RALGPS2: variants seen among roughly 807,000 people sequenced by gnomAD.
RALGPS2 encodes the protein ras-specific guanine nucleotide-releasing factor RalGPS2.
Under a neutral mutation model 86.8 loss-of-function variants are expected in RALGPS2, and 43 were observed. That is an observed-to-expected ratio of 0.50 (90% CI 0.39 to 0.64). The LOEUF (loss-of-function observed/expected upper bound fraction) is 0.64, where lower values mean the gene tolerates loss of function less well. RALGPS2 is among the 30% of genes least tolerant of loss of function. RALGPS2 has a pLI of 0.00. For missense variants in RALGPS2, 536 were observed against 694.6 expected (o/e 0.77, Z 2.57); for synonymous variants, 243 against 231.3 (o/e 1.05, Z -0.46).
At chr1:178,877,395 G>T in intron 8 of RALGPS2, 103 bp from the exon 9 acceptor site, 1 of 1,485,132 alleles carries the variant, frequency 6.7e-7, no homozygotes, top group Non-Finnish European at 9.0e-7. Flanking sequence ...TAAATGTAGC[G>T]TACAGTGGAA....
chr1:178,752,151 T>C (rs934996271), intron 1 of RALGPS2, among the ~76,000 whole-genome samples: 7 of 149,638 alleles, frequency 4.7e-5, no homozygotes, highest in Admixed American at 1.3e-4. Context: ...TTTTTTTTTT[T>C]CTGAGACAGG....
At chr1:178,773,516 T>C (rs894829134) in intron 1 of RALGPS2, among the ~76,000 whole-genome samples, 5 of 152,254 alleles carry the variant, frequency 3.3e-5, no homozygotes, top group Non-Finnish European at 7.3e-5. Context: ...TAAACTCGTA[T>C]CTCTGTCTTT....
At chr1:178,839,367 T>TA in intron 8 of RALGPS2, among the ~76,000 whole-genome samples, 1 of 152,274 alleles carries the variant, frequency 6.6e-6, no homozygotes, top group Admixed American at 6.5e-5. Flanking sequence ...TCAGCATTCT[T>TA]AAAGAAAAGA....
intron 10 of RALGPS2, among the ~76,000 whole-genome samples, chr1:178,880,187 A>G (rs146632494): frequency 1.3e-5 from 2 of 152,214 alleles, no homozygotes. Flanking sequence ...AATGCATTAC[A>G]TAGAAATATT....
intron 8 of RALGPS2, chr1:178,865,027 C>T: frequency 6.7e-7 from 1 of 1,489,384 alleles, no homozygotes; most frequent in Non-Finnish European, 8.9e-7. Context: ...CAGGTGGTGG[C>T]ATTAAATCTC....
intron 8 of RALGPS2, among the ~76,000 whole-genome samples, chr1:178,858,088 T>C (rs73039845): frequency 0.052 from 7,974 of 152,242 alleles, 731 homozygotes; most frequent in African/African-American, 0.18. Context: ...TGAAGTTCTT[T>C]TCCAGAACAT....
At chr1:178,823,244 A>G (rs1267934733) in intron 7 of RALGPS2, among the ~76,000 whole-genome samples, 2 of 152,162 alleles carry the variant, frequency 1.3e-5, no homozygotes, top group African/African-American at 2.4e-5. Flanking sequence ...AATAATTTTT[A>G]TTTGGTAACA....
At chr1:178,811,229 A>G (rs1407003785) in intron 5 of RALGPS2, 86 bp from the exon 6 acceptor site, 4 of 1,024,348 alleles carry the variant, frequency 3.9e-6, no homozygotes, top group Non-Finnish European at 4.2e-6. Flanking sequence ...GAGCTTACCT[A>G]ATTCTGCCAA....
At chr1:178,831,644 C>A (rs1418676248) in intron 7 of RALGPS2, among the ~76,000 whole-genome samples, 1 of 142,934 alleles carries the variant, frequency 7.0e-6, no homozygotes, top group African/African-American at 2.6e-5. Flanking sequence ...CCACCCCCAG[C>A]GGTTTTTGGA....
At chr1:178,853,774 G>A (rs1657345788) in intron 8 of RALGPS2, 1 of 1,599,798 alleles carries the variant, frequency 6.3e-7, no homozygotes, top group African/African-American at 1.4e-5. Flanking sequence ...CTTGCTGACA[G>A]TCTTTGAATG....
At chr1:178,743,402 ATAT>A (rs1426833069) in intron 1 of RALGPS2, among the ~76,000 whole-genome samples, 1 of 152,178 alleles carries the variant, frequency 6.6e-6, no homozygotes, top group African/African-American at 2.4e-5. Flanking sequence ...ATCAGTGTGG[ATAT>A]TATTTTTAAC....
chr1:178,827,812 C>A (rs180689316), intron 7 of RALGPS2, among the ~76,000 whole-genome samples: 1 of 152,168 alleles, frequency 6.6e-6, no homozygotes, highest in African/African-American at 2.4e-5. Context: ...TAAATACACA[C>A]ATTTACAGTC....
intron 8 of RALGPS2, among the ~76,000 whole-genome samples, chr1:178,840,826 C>T (rs1314186574): frequency 1.3e-5 from 2 of 151,950 alleles, no homozygotes; most frequent in African/African-American, 4.8e-5. Flanking sequence ...ATATCACTAC[C>T]GATCCCACAG....
In RALGPS2 at chr1:178,761,914, A is replaced by G. The variant is rs78202428; in HGVS notation, c.-83-14768A>G. 2.6e-3 allele frequency among the ~76,000 whole-genome samples: 399 copies of G among 152,086 alleles called. 4 individuals carry two copies. The highest frequency in any genetic ancestry group is 0.015 in the East Asian group (78 of 5,166). On this transcript the variant is annotated intron_variant, in intron 1 of 19. Coordinates refer to ENST00000367635, the MANE Select transcript of RALGPS2 (RefSeq NM_152663.5). ...TCCGGGGTATTTGTTATGTAGGTCA[A>G]TTGTGTTTTGAGGGGTTTGATGTAT... is the stretch of plus-strand genomic sequence containing the variant.
At chr1:178,854,697 A>G (rs1657411733) in intron 8 of RALGPS2, among the ~76,000 whole-genome samples, 1 of 152,172 alleles carries the variant, frequency 6.6e-6, no homozygotes, top group Admixed American at 6.5e-5. Flanking sequence ...GGTAAACCCT[A>G]GATAGACATA....
intron 8 of RALGPS2, among the ~76,000 whole-genome samples, chr1:178,836,256 A>G (rs536338070): frequency 6.6e-6 from 1 of 152,374 alleles, no homozygotes. Context: ...ACAAAGAGTA[A>G]TCATACCTAC....
chr1:178,906,989 G>T, intron 19 of RALGPS2, 122 bp downstream of exon 19: 1 of 807,854 alleles, frequency 1.2e-6, no homozygotes. Context: ...TTTTATTCTT[G>T]TTGATTACAG....
At chr1:178,851,644 CAGA>C (rs1318928035) in intron 8 of RALGPS2, among the ~76,000 whole-genome samples, 6 of 152,002 alleles carry the variant, frequency 3.9e-5, no homozygotes, top group Non-Finnish European at 8.8e-5. Flanking sequence ...AGGAAAGATA[CAGA>C]AGAAGATAAA....
At chr1:178,866,776 A>G (rs1658439691) in intron 8 of RALGPS2, among the ~76,000 whole-genome samples, 1 of 152,168 alleles carries the variant, frequency 6.6e-6, no homozygotes, top group Non-Finnish European at 1.5e-5. Context: ...GTCAGTATTT[A>G]TAGAAGCAGC....
Sources: allele counts gnomAD v4.1 joint callset (sites outside exome capture counted in the v4.1 genomes callset), GRCh38; gene constraint gnomAD v4.1.1; transcripts MANE v1.5; gene names NCBI Gene and HGNC (gene_info 2026-07-23, HGNC 2026-07-21).